The following NHLH2 variants were observed in gnomAD, a reference collection of about 807,000 sequenced individuals.
NHLH2 encodes the protein nescient helix-loop-helix 2, also known as helix-loop-helix protein 2.
A neutral mutation model predicts 7.3 loss-of-function variants in NHLH2; 7 were observed. The observed-to-expected ratio is 0.96, with a 90% confidence interval of 0.55 to 1.81. The LOEUF (loss-of-function observed/expected upper bound fraction) is 1.81, where lower values mean the gene tolerates loss of function less well. Among genes scored for constraint, NHLH2 ranks in the 40% most tolerant of loss-of-function variants. NHLH2 has a pLI of 0.00. For synonymous variants in NHLH2, 93 were observed against 91.6 expected (o/e 1.01, Z -0.09); for missense variants, 155 against 194.0 (o/e 0.80, Z 1.19).
chr1:115,840,111 C>T (rs1248245026), intron 2 of NHLH2, 105 bp downstream of exon 2: 1 of 166,910 alleles, frequency 6.0e-6, no homozygotes, highest in Non-Finnish European at 1.5e-5. Context: ...AAATAGTATG[C>T]CGTGTATGCG....
Position 115,837,336 on chromosome 1 carries a change from C to T in NHLH2, c.*629G>A, listed in dbSNP as rs1161911913. The T allele has an allele frequency of 5.2e-5, 8 of 152,634 alleles. No homozygotes were observed. 9.5% of individuals were successfully genotyped at this position (152,634 alleles called of 1,614,324 possible). On this transcript the variant is annotated 3_prime_UTR_variant, in exon 3 of 3. Coordinates refer to ENST00000320238, the MANE Select transcript of NHLH2 (RefSeq NM_005599.3). The stretch of plus-strand genomic sequence containing the variant: ...GGATAAAATATCACCAAGCTCAGAT[C>T]CTCCCACAGTGTGTCTACTTGTTCT...
At chr1:115,835,595 T>C (rs1376355891), downstream of NHLH2, among the ~76,000 whole-genome samples, 1 of 152,190 alleles carries the variant, frequency 6.6e-6, no homozygotes, top group Admixed American at 6.5e-5. Context: ...GGGTGAAAAG[T>C]GAAGAATACC....
Position 115,837,258 on chromosome 1 carries a change from A to G in NHLH2, c.*707T>C, listed in dbSNP as rs1650897183. 1 of 152,664 alleles carries G rather than the reference A, an allele frequency of 6.6e-6. No individual in the cohort carries two copies. 9.5% of individuals were successfully genotyped at this position (152,664 alleles called of 1,614,324 possible). On this transcript the variant is annotated 3_prime_UTR_variant, in exon 3 of 3. Coordinates refer to ENST00000320238, the MANE Select transcript of NHLH2 (RefSeq NM_005599.3). Reference sequence around the variant, plus strand: ...TCGCCTGCAAAAGTAATCAGATATTAAAGTTTCCATTTAAATATGGATTTT... The same window carrying G: ...TCGCCTGCAAAAGTAATCAGATATTGAAGTTTCCATTTAAATATGGATTTT...
downstream of NHLH2, among the ~76,000 whole-genome samples, chr1:115,835,171 T>G (rs868750326): frequency 6.6e-6 from 1 of 152,306 alleles, no homozygotes; most frequent in East Asian, 1.9e-4. Context: ...TATCAGTAGG[T>G]TCCTCCTACA....
chr1:115,836,257 T>C (rs978290966), downstream of NHLH2: 7 of 152,234 alleles, frequency 4.6e-5, no homozygotes, highest in African/African-American at 1.7e-4. Context: ...AATATGTTTA[T>C]GTTAAGATTT....
intron 2 of NHLH2, chr1:115,839,305 C>G (rs1650987907): frequency 6.0e-6 from 1 of 166,744 alleles, no homozygotes; most frequent in Non-Finnish European, 1.5e-5. Context: ...CAGGCGGGGA[C>G]TAGCGGGTGC....
In NHLH2 at chr1:115,837,836, C is replaced by T; in HGVS notation, c.*129G>A. 1.0e-6 allele frequency: 1 copy of T among 1,004,368 alleles called. No individual in the cohort carries two copies. The highest frequency in any genetic ancestry group is 1.7e-5 in the South Asian group (1 of 58,794). 62.2% of individuals were successfully genotyped at this position (1,004,368 alleles called of 1,614,324 possible). On this transcript the variant is annotated 3_prime_UTR_variant, in exon 3 of 3. Coordinates refer to ENST00000320238, the MANE Select transcript of NHLH2 (RefSeq NM_005599.3). ...AGAGAACAGGTAGCGAGCTTCTTCC[C>T]CGGCCGTCTCTCGAGGCGGCCGTCT... is the stretch of plus-strand genomic sequence containing the variant.
rs1042265048 is a variant in NHLH2, at chr1:115,837,067, G to C, written c.*898C>G. On this transcript the variant is annotated 3_prime_UTR_variant, in exon 3 of 3. Transcript: ENST00000320238. ...ACTTGACTATAAATAAATTGGCACA[G>C]AGTATCCAAAGTAAAAGTATCACCA... 6.6e-6 allele frequency: 1 copy of C among 152,372 alleles called. No homozygotes were observed. Among genetic ancestry groups the C allele is most frequent in the Non-Finnish European group, 1.5e-5 (1 of 68,008 alleles). 9.4% of individuals were successfully genotyped at this position (152,372 alleles called of 1,614,324 possible).
downstream of NHLH2, among the ~76,000 whole-genome samples, chr1:115,831,627 C>A (rs557394936): frequency 6.6e-6 from 1 of 152,212 alleles, no homozygotes; most frequent in African/African-American, 2.4e-5. Context: ...TAAAAATGTA[C>A]CCCTTGTCTG....
chr1:115,832,994 G>T (rs1650787358), downstream of NHLH2, among the ~76,000 whole-genome samples: 1 of 152,178 alleles, frequency 6.6e-6, no homozygotes, highest in Non-Finnish European at 1.5e-5. Flanking sequence ...TCTGGAGAGT[G>T]GCTGAAAATG....
In NHLH2 at chr1:115,837,883, G is replaced by A. The variant is rs1650922721; in HGVS notation, c.*82C>T. 2.8e-6 allele frequency: 4 copies of A among 1,454,082 alleles called. No individual in the cohort carries two copies. The highest frequency in any genetic ancestry group is 2.6e-5 in the Admixed American group (1 of 38,646). 90.1% of individuals were successfully genotyped at this position (1,454,082 alleles called of 1,614,324 possible). On this transcript the variant is annotated 3_prime_UTR_variant, in exon 3 of 3. Transcript: ENST00000320238. Reference sequence around the variant, plus strand: ...GTCTCGCTGGGCCACCGCAGCCTCCGCCACCCGAGCGACGGCGCCCGTCCG... The same window carrying A: ...GTCTCGCTGGGCCACCGCAGCCTCCACCACCCGAGCGACGGCGCCCGTCCG...
downstream of NHLH2, among the ~76,000 whole-genome samples, chr1:115,831,382 A>G (rs966671031): frequency 6.6e-6 from 1 of 152,212 alleles, no homozygotes; most frequent in African/African-American, 2.4e-5. Flanking sequence ...TGTCTTTCTC[A>G]CTACCCCTTA....
At chr1:115,836,078 A>G (rs1408190586), downstream of NHLH2, among the ~76,000 whole-genome samples, 1 of 152,128 alleles carries the variant, frequency 6.6e-6, no homozygotes, top group East Asian at 1.9e-4. Flanking sequence ...TTAGAGAGTT[A>G]TTAAGTTTTC....
downstream of NHLH2, among the ~76,000 whole-genome samples, chr1:115,834,038 G>A (rs181234807): frequency 1.3e-3 from 201 of 152,250 alleles, no homozygotes; most frequent in Non-Finnish European, 2.4e-3. Flanking sequence ...GTGGGAAGCG[G>A]GTATTCCCTC....
downstream of NHLH2, among the ~76,000 whole-genome samples, chr1:115,835,151 T>A: frequency 6.6e-6 from 1 of 152,190 alleles, no homozygotes. Flanking sequence ...GCCTTTTGTC[T>A]AGGGGAGTGT....
chr1:115,838,200 G>T lies in NHLH2; in HGVS notation c.173C>A (p.Pro58Gln), dbSNP rs750596372. ...CTCGCGGCTCAGCTGCTGCGGGTGC[G>T]GGTAGAGCGCGGCTCGGCTGCCGCC... ...GKGGSRAALY[P>Q]HPQQLSREEK... is the part of the protein sequence containing the mutation. The change falls in exon 3 of 3, where the codon CCG becomes CAG. Residue 58 changes from proline (P) to glutamine (Q), a missense_variant. Coordinates refer to ENST00000320238, the MANE Select transcript of NHLH2 (RefSeq NM_005599.3). 3.8e-6 allele frequency: 6 copies of T among 1,567,228 alleles called. No homozygotes were observed. The highest frequency in any genetic ancestry group is 4.7e-5 in the East Asian group (2 of 42,238).
chr1:115,839,760 C>T (rs1651010793), intron 2 of NHLH2: 1 of 166,860 alleles, frequency 6.0e-6, no homozygotes, highest in Non-Finnish European at 1.5e-5. Context: ...TCTAGAGAAA[C>T]AAAAGCAAGG....
In NHLH2 at chr1:115,837,890, G is replaced by A. The variant is rs1011876067; in HGVS notation, c.*75C>T. ...TGGGCCACCGCAGCCTCCGCCACCC[G>A]AGCGACGGCGCCCGTCCGGATCCGT... On this transcript the variant is annotated 3_prime_UTR_variant, in exon 3 of 3. Coordinates refer to ENST00000320238, the MANE Select transcript of NHLH2 (RefSeq NM_005599.3). 1.9e-5 allele frequency: 28 copies of A among 1,483,652 alleles called. No homozygotes were observed. The African/African-American group carries it at 3.5e-4, about 19-fold the overall frequency. 91.9% of individuals were successfully genotyped at this position (1,483,652 alleles called of 1,614,324 possible).
At position 115,837,408 on chromosome 1, in the gene NHLH2, T is replaced by C. The variant is rs12405792; in HGVS notation, c.*557A>G. ...CTAAATATTCAGGGTTTATTTGGAT[T>C]CTAATATAATCTTTATTTTCACAAC... On this transcript the variant is annotated 3_prime_UTR_variant, in exon 3 of 3. Transcript: ENST00000320238. 62,435 of 152,596 alleles carry C rather than the reference T, an allele frequency of 0.41. 15,835 individuals carry two copies. Among genetic ancestry groups the C allele is most frequent in the Non-Finnish European group, 0.55 (37,726 of 68,072 alleles). The allele number at this position is 152,596 out of a possible 1,614,324, so 9.5% of individuals were successfully genotyped here.
Sources: gnomAD v4.1 joint callset for allele counts (sites outside exome capture counted in the v4.1 genomes callset) on GRCh38, gnomAD v4.1.1 for gene constraint, MANE v1.5 for transcripts, NCBI Gene and HGNC (gene_info 2026-07-23, HGNC 2026-07-21) for gene names.